PHKA1: variants seen among roughly 807,000 people sequenced by gnomAD.
The protein encoded by PHKA1 is phosphorylase kinase regulatory subunit alpha 1, also known as phosphorylase b kinase regulatory subunit alpha, skeletal muscle isoform.
A neutral mutation model predicts 110.2 loss-of-function variants in PHKA1; 60 were observed. That is an observed-to-expected ratio of 0.54 (90% CI 0.44 to 0.68). PHKA1 has a LOEUF of 0.68. Among genes scored for constraint, PHKA1 ranks in the 30% least tolerant of loss-of-function variants. The pLI is 0.00. For missense variants in PHKA1, 801 were observed against 942.5 expected, an observed-to-expected ratio of 0.85 and a Z score of 1.97; for synonymous variants, 316 against 333.6, an observed-to-expected ratio of 0.95 and a Z score of 0.58.
At chrX:72,648,727 G>A (rs971476185) in intron 13 of PHKA1, among the ~76,000 whole-genome samples, 4 of 111,649 alleles carry the variant, frequency 3.6e-5, no homozygotes, top group Non-Finnish European at 5.6e-5. Flanking sequence ...GTAGAGAAGG[G>A]TAAACTAGGG....
intron 29 of PHKA1, among the ~76,000 whole-genome samples, chrX:72,587,065 T>G (rs782666597): frequency 7.3e-5 from 8 of 110,105 alleles, no homozygotes; most frequent in African/African-American, 2.6e-4. Flanking sequence ...ACATTCAAAT[T>G]CAGGAAATAA....
At position 72,621,841 on chromosome X, in the gene PHKA1, T is replaced by A. The variant is rs782545556; in HGVS notation, c.1961-940A>T. On this transcript the variant is annotated intron_variant, in intron 18 of 31. Coordinates refer to ENST00000373542, the MANE Select transcript of PHKA1 (RefSeq NM_002637.4). ...TACCCACAGAAGGGCTGGCAAGCAATAAATACATTCATTTTGAGAACACTG... is the reference window on the plus strand; with the variant it reads ...TACCCACAGAAGGGCTGGCAAGCAAAAAATACATTCATTTTGAGAACACTG... The A allele has an allele frequency of 5.3e-6, 4 of 749,968 alleles. No individual in the cohort carries two copies. In the East Asian group the frequency reaches 6.1e-4, roughly 114 times the overall value. 61.8% of individuals were successfully genotyped at this position (749,968 alleles called of 1,213,427 possible). A position where few individuals can be genotyped will look rare whatever the true frequency, so the allele number is the denominator to read the frequency against.
At chrX:72,710,920 G>A (rs2054368971) in intron 2 of PHKA1, among the ~76,000 whole-genome samples, 1 of 104,513 alleles carries the variant, frequency 9.6e-6, no homozygotes, top group Non-Finnish European at 2.0e-5. Context: ...GGAGTGCAGT[G>A]GCGCGATCTC....
chrX:72,619,108 C>T (rs782192015), intron 20 of PHKA1, 106 bp downstream of exon 20: 47 of 574,159 alleles, frequency 8.2e-5, no homozygotes, highest in Non-Finnish European at 1.3e-4. Flanking sequence ...TAGCATTTTG[C>T]GTACCACTAG....
chrX:72,675,021 TA>T (rs74372049), intron 6 of PHKA1, among the ~76,000 whole-genome samples: 692 of 87,456 alleles, frequency 7.9e-3, no homozygotes, highest in African/African-American at 9.2e-3. Context: ...CTGTCTCTAC[TA>T]AAAAAAAAAA....
At chrX:72,602,513 T>C (rs1478746977) in intron 26 of PHKA1, among the ~76,000 whole-genome samples, 1 of 111,586 alleles carries the variant, frequency 9.0e-6, no homozygotes, top group African/African-American at 3.3e-5. Flanking sequence ...TTTAGCAAGA[T>C]ACCCTTCTTG....
intron 17 of PHKA1, among the ~76,000 whole-genome samples, chrX:72,625,221 C>A (rs903049425): frequency 9.0e-6 from 1 of 111,574 alleles, no homozygotes; most frequent in Admixed American, 9.5e-5. Flanking sequence ...AGCACAGTAT[C>A]CAATAGGTAG....
At chrX:72,595,806 G>C (rs2052582374) in intron 28 of PHKA1, among the ~76,000 whole-genome samples, 1 of 111,835 alleles carries the variant, frequency 8.9e-6, no homozygotes, top group South Asian at 3.8e-4. Flanking sequence ...AGGTATTGGT[G>C]AGAATGTGAA....
At chrX:72,644,095 T>A (rs1416110860) in intron 14 of PHKA1, among the ~76,000 whole-genome samples, 1 of 111,229 alleles carries the variant, frequency 9.0e-6, no homozygotes, top group African/African-American at 3.3e-5. Flanking sequence ...GGAGAGAACA[T>A]GTTATTTAAG....
chrX:72,703,720 C>T (rs1197782666), intron 3 of PHKA1, among the ~76,000 whole-genome samples: 3 of 111,750 alleles, frequency 2.7e-5, no homozygotes, highest in Non-Finnish European at 3.8e-5. Flanking sequence ...ATCTAAAATA[C>T]AAAATAAAGT....
At chrX:72,645,449 T>C (rs1379853694) in intron 13 of PHKA1, among the ~76,000 whole-genome samples, 1 of 112,427 alleles carries the variant, frequency 8.9e-6, no homozygotes, top group Non-Finnish European at 1.9e-5. Context: ...TATTTTTCTA[T>C]CTTGGGAACC....
intron 6 of PHKA1, among the ~76,000 whole-genome samples, chrX:72,668,125 G>A (rs1300842895): frequency 9.0e-5 from 10 of 111,464 alleles, no homozygotes; most frequent in African/African-American, 1.6e-4. Flanking sequence ...AATTTAGGTC[G>A]CCTTTAATTT....
chrX:72,665,576 C>CA (rs1556306005), intron 8 of PHKA1, among the ~76,000 whole-genome samples: 2 of 111,476 alleles, frequency 1.8e-5, no homozygotes, highest in Non-Finnish European at 3.8e-5. Context: ...ACAAGAACAA[C>CA]AAAAAACCCA....
Position 72,714,025 on chromosome X carries a change from G to A in PHKA1, c.-145C>T. On this transcript the variant is annotated 5_prime_UTR_variant, in exon 1 of 32. Transcript: ENST00000373542. ...CCCCGCAGAGCCCTCCCACCGCTCA[G>A]GCCTGGCGCCGCGGATTCCGCGTAC... 1.9e-6 allele frequency: 1 copy of A among 529,387 alleles called. No individual in the cohort carries two copies. Among genetic ancestry groups the A allele is most frequent in the Non-Finnish European group, 3.2e-6 (1 of 308,912 alleles). The allele number at this position is 529,387 out of a possible 1,213,427, so 43.6% of individuals were successfully genotyped here. A position where few individuals can be genotyped will look rare whatever the true frequency, so the allele number is the denominator to read the frequency against.
intron 29 of PHKA1, among the ~76,000 whole-genome samples, chrX:72,586,350 A>G (rs2052430065): frequency 8.9e-6 from 1 of 112,650 alleles, no homozygotes; most frequent in Non-Finnish European, 1.9e-5. Flanking sequence ...GACTGCAAGA[A>G]GGAAAACTAA....
At chrX:72,647,126 T>C (rs1367253765) in intron 13 of PHKA1, among the ~76,000 whole-genome samples, 4 of 102,778 alleles carry the variant, frequency 3.9e-5, no homozygotes, top group Non-Finnish European at 7.9e-5. Context: ...AGTGACTCCA[T>C]CTCAAAAAAA....
chrX:72,618,799 C>G lies in PHKA1; in HGVS notation c.2280G>C (p.Glu760Asp), dbSNP rs1326511884. 12 of 1,195,161 alleles carry G rather than the reference C, an allele frequency of 1.0e-5. No homozygotes were observed. Among genetic ancestry groups the G allele is most frequent in the Non-Finnish European group, 1.4e-5 (12 of 882,029 alleles). ...GTAAAACCAGTGCTTTAAAGTCCACCTCCCCAGACTGGTCTCTAGGAAGAT... is the reference window on the plus strand; with the variant it reads ...GTAAAACCAGTGCTTTAAAGTCCACGTCCCCAGACTGGTCTCTAGGAAGAT... ...EIHLPRDQSG[E>D]VDFKALVLQL... is the part of the protein sequence containing the mutation. The change falls in exon 21 of 32, where the codon GAG becomes GAC. Residue 760 changes from glutamate to aspartate, a missense_variant. Glu to Asp is a conservative substitution (Grantham distance 45, BLOSUM62 2). Coordinates refer to ENST00000373542, the MANE Select transcript of PHKA1 (RefSeq NM_002637.4).
chrX:72,692,776 T>C (rs1207459963), intron 4 of PHKA1, among the ~76,000 whole-genome samples: 1 of 111,412 alleles, frequency 9.0e-6, no homozygotes, highest in Non-Finnish European at 1.9e-5. Context: ...TTTTAAAGAA[T>C]GAACTTTTGG....
intron 16 of PHKA1, among the ~76,000 whole-genome samples, chrX:72,627,786 C>CA (rs1556283681): frequency 9.6e-6 from 1 of 104,354 alleles, no homozygotes; most frequent in East Asian, 2.9e-4. Flanking sequence ...TTTCCACCAA[C>CA]AGTATAGAAA....
Sources: gnomAD v4.1 joint callset for allele counts (sites outside exome capture counted in the v4.1 genomes callset) on GRCh38, gnomAD v4.1.1 for gene constraint, MANE v1.5 for transcripts, NCBI Gene and HGNC (gene_info 2026-07-23, HGNC 2026-07-21) for gene names.